HPSE2: variants seen among roughly 807,000 people sequenced by gnomAD.
HPSE2 encodes heparanase 2 (inactive).
Under a neutral mutation model 60.5 loss-of-function variants are expected in HPSE2, and 38 were observed. The ratio of observed to expected loss-of-function variants is 0.63; its 90% CI spans 0.48 to 0.82. The LOEUF (loss-of-function observed/expected upper bound fraction) is 0.82, where lower values mean the gene tolerates loss of function less well. Ranked by LOEUF, HPSE2 falls within the 40% of genes least tolerant of loss-of-function variation. The probability of loss-of-function intolerance (pLI) is 0.00; values close to 1 mark genes in which losing one functional copy is unlikely to be tolerated. For synonymous variants in HPSE2, 295 were observed against 293.2 expected (o/e 1.01, Z -0.06); for missense variants, 713 against 740.4 (o/e 0.96, Z 0.43).
intron 3 of HPSE2, among the ~76,000 whole-genome samples, chr10:98,756,482 G>A (rs1949881486): frequency 6.6e-6 from 1 of 151,694 alleles, no homozygotes; most frequent in Admixed American, 6.6e-5. Context: ...AATGACAAAG[G>A]GGACATTACC....
intron 3 of HPSE2, among the ~76,000 whole-genome samples, chr10:98,781,698 A>G (rs1361092123): frequency 6.6e-6 from 1 of 151,870 alleles, no homozygotes; most frequent in Non-Finnish European, 1.5e-5. Flanking sequence ...AATATCCAAT[A>G]TTAATGAGGA....
intron 3 of HPSE2, among the ~76,000 whole-genome samples, chr10:99,104,911 G>T (rs532244055): frequency 6.6e-6 from 1 of 152,132 alleles, no homozygotes; most frequent in Admixed American, 6.5e-5. Flanking sequence ...GGGGCCTGTC[G>T]TGGGGTCGGG....
chr10:98,719,451 A>G (rs1317737116), intron 5 of HPSE2, among the ~76,000 whole-genome samples: 1 of 152,078 alleles, frequency 6.6e-6, no homozygotes, highest in Non-Finnish European at 1.5e-5. Flanking sequence ...GGAGAAAAAC[A>G]AGAGGAGAGG....
At chr10:98,750,432 G>A (rs1165874632) in intron 3 of HPSE2, among the ~76,000 whole-genome samples, 3 of 152,188 alleles carry the variant, frequency 2.0e-5, no homozygotes, top group Non-Finnish European at 4.4e-5. Flanking sequence ...AACTCACACT[G>A]TGAAATCATC....
intron 9 of HPSE2, among the ~76,000 whole-genome samples, chr10:98,540,898 G>A (rs1186991160): frequency 6.6e-6 from 1 of 152,124 alleles, no homozygotes; most frequent in Non-Finnish European, 1.5e-5. Flanking sequence ...GAGGTTGTGG[G>A]AACCTAAAGA....
chr10:98,989,259 A>G (rs1486890847), intron 3 of HPSE2, among the ~76,000 whole-genome samples: 1 of 152,234 alleles, frequency 6.6e-6, no homozygotes, highest in African/African-American at 2.4e-5. Context: ...ATGTCCAACA[A>G]TGATAGACTG....
the HPSE2 span, among the ~76,000 whole-genome samples, chr10:99,294,751 T>C: frequency 1.3e-5 from 2 of 151,914 alleles, no homozygotes; most frequent in African/African-American, 2.4e-5. Context: ...CTGGCCAACA[T>C]AGTGCAACCC....
intron 3 of HPSE2, among the ~76,000 whole-genome samples, chr10:99,000,118 A>G (rs572238981): frequency 4.1e-4 from 63 of 152,102 alleles, no homozygotes; most frequent in African/African-American, 1.4e-3. Flanking sequence ...GAGCAGGGGG[A>G]AAAAAAGGCA....
rs185498791 is a variant in HPSE2, at chr10:99,151,559, T to C, written c.449-7160A>G. ...AAGAGATCCACATCTAGATACATTA[T>C]AATAAAAATGTTAAAAGCCCAAGAT... On this transcript the variant is annotated intron_variant, in intron 2 of 11. Transcript: ENST00000370552. 2.1e-3 allele frequency among the ~76,000 whole-genome samples: 321 copies of C among 152,090 alleles called. 1 individual carries two copies. Among genetic ancestry groups the C allele is most frequent in the Non-Finnish European group, 3.5e-3 (238 of 67,996 alleles).
chr10:99,288,735 G>A, the HPSE2 span, among the ~76,000 whole-genome samples: 47,141 of 128,178 alleles, frequency 0.37, 12,243 homozygotes, highest in African/African-American at 0.75. Flanking sequence ...GCTGCAAGAG[G>A]GACAGCCTCA....
chr10:99,244,382 T>TTTATTATTATTATTATTATTA, the HPSE2 span, among the ~76,000 whole-genome samples: 2 of 134,182 alleles, frequency 1.5e-5, no homozygotes, highest in African/African-American at 2.7e-5. Flanking sequence ...TTTTATTTCT[T>TTTATTATTATTATTATTATTA]TTATTATTAT....
intron 3 of HPSE2, among the ~76,000 whole-genome samples, chr10:98,887,341 A>G (rs1275021468): frequency 6.6e-6 from 1 of 152,148 alleles, no homozygotes; most frequent in Non-Finnish European, 1.5e-5. Flanking sequence ...GAAAGAACTA[A>G]ATAACACTGA....
intron 8 of HPSE2, among the ~76,000 whole-genome samples, chr10:98,618,490 G>A (rs1945981618): frequency 6.6e-6 from 1 of 152,056 alleles, no homozygotes; most frequent in African/African-American, 2.4e-5. Flanking sequence ...GATTCCAAGG[G>A]GGTCCCTGCA....
chr10:98,918,390 T>C (rs1278871528), intron 3 of HPSE2, among the ~76,000 whole-genome samples: 2 of 151,858 alleles, frequency 1.3e-5, no homozygotes, highest in Non-Finnish European at 2.9e-5. Flanking sequence ...GTATGTTTAT[T>C]GCGGCACTAT....
rs1182401550 is a variant in HPSE2 at position 99,096,694 on chromosome 10, G to GT, written c.610+47543dup. Among the ~76,000 whole-genome samples, 24 of 107,158 alleles carry GT rather than the reference G, an allele frequency of 2.2e-4. No homozygotes were observed. In the South Asian group the frequency reaches 2.8e-3, roughly 12 times the overall value. 70.3% of individuals were successfully genotyped at this position (107,158 alleles called of 152,430 possible). ...CTTGTGGAAATTGAGCTAAATTGTT[G>GT]TGTTTTTTTTTTTCCTATTTTCCCA... On this transcript the variant is annotated intron_variant, in intron 3 of 11. Transcript: ENST00000370552.
intron 3 of HPSE2, among the ~76,000 whole-genome samples, chr10:98,927,826 CA>C (rs899330120): frequency 1.3e-5 from 2 of 150,610 alleles, no homozygotes; most frequent in Admixed American, 1.3e-4. Context: ...ACGCCTTATA[CA>C]AAAATCAATT....
At chr10:98,761,143 G>C (rs1949995344) in intron 3 of HPSE2, among the ~76,000 whole-genome samples, 1 of 151,900 alleles carries the variant, frequency 6.6e-6, no homozygotes, top group Admixed American at 6.6e-5. Context: ...TATTTCTGTG[G>C]TATCAGTTGT....
intron 3 of HPSE2, among the ~76,000 whole-genome samples, chr10:99,070,872 T>C (rs1842766189): frequency 6.6e-6 from 1 of 152,172 alleles, no homozygotes; most frequent in South Asian, 2.1e-4. Flanking sequence ...TATTTCGTTG[T>C]ACATGTTTAC....
chr10:98,459,405 G>A lies in HPSE2; in HGVS notation c.*169C>T. 1.3e-6 allele frequency: 1 copy of A among 783,504 alleles called. No homozygotes were observed. Among genetic ancestry groups the A allele is most frequent in the Non-Finnish European group, 2.2e-6 (1 of 454,256 alleles). The allele number at this position is 783,504 out of a possible 1,614,324, so 48.5% of individuals were successfully genotyped here. On this transcript the variant is annotated 3_prime_UTR_variant, in exon 12 of 12. Transcript: ENST00000370552. ...GATGGATGTGGCCTACCTAGGCTAA[G>A]ATCACGCTATGACATTTAGTCTCTT...
Sources: gnomAD v4.1 joint callset for allele counts (sites outside exome capture counted in the v4.1 genomes callset) on GRCh38, gnomAD v4.1.1 for gene constraint, MANE v1.5 for transcripts, NCBI Gene and HGNC (gene_info 2026-07-23, HGNC 2026-07-21) for gene names.